TMEM163: variants seen among roughly 807,000 people sequenced by gnomAD.
TMEM163 encodes the protein transmembrane protein 163.
A neutral mutation model predicts 29.3 loss-of-function variants in TMEM163; 17 were observed. That is an observed-to-expected ratio of 0.58 (90% CI 0.40 to 0.87). TMEM163 has a LOEUF of 0.87. Ranked by LOEUF, TMEM163 falls within the 40% of genes least tolerant of loss-of-function variation. The probability of loss-of-function intolerance (pLI) is 0.00; values close to 1 mark genes in which losing one functional copy is unlikely to be tolerated. For synonymous variants in TMEM163, 157 were observed against 160.6 expected, an observed-to-expected ratio of 0.98 and a Z score of 0.17; for missense variants, 303 against 381.5, an observed-to-expected ratio of 0.79 and a Z score of 1.71.
chr2:134,500,470 T>C (rs1192674832), intron 5 of TMEM163, among the ~76,000 whole-genome samples: 1 of 152,212 alleles, frequency 6.6e-6, no homozygotes, highest in African/African-American at 2.4e-5. Flanking sequence ...AGCTCCTTAG[T>C]TAACAACTCT....
At chr2:134,674,493 G>C (rs1448305267) in intron 2 of TMEM163, among the ~76,000 whole-genome samples, 3 of 83,600 alleles carry the variant, frequency 3.6e-5, no homozygotes, top group African/African-American at 2.0e-4. Context: ...ACAGGCGCGC[G>C]CGCGCGCGCG....
intron 2 of TMEM163, among the ~76,000 whole-genome samples, chr2:134,580,933 C>T (rs1355135251): frequency 6.6e-6 from 1 of 152,164 alleles, no homozygotes; most frequent in Non-Finnish European, 1.5e-5. Flanking sequence ...AGCCCTAGGA[C>T]AGGAGCAAGA....
At chr2:134,539,576 T>A (rs368524515) in intron 4 of TMEM163, among the ~76,000 whole-genome samples, 51 of 152,296 alleles carry the variant, frequency 3.3e-4, no homozygotes, top group Non-Finnish European at 6.9e-4. Flanking sequence ...AAAAACTGTA[T>A]ATGTATCTTA....
intron 2 of TMEM163, among the ~76,000 whole-genome samples, chr2:134,658,453 T>G (rs55925095): frequency 6.6e-6 from 1 of 151,994 alleles, no homozygotes; most frequent in Admixed American, 6.5e-5. Flanking sequence ...CATGAGTTTT[T>G]GGAGGACAGA....
chr2:134,577,951 T>G (rs1420973386), intron 2 of TMEM163, among the ~76,000 whole-genome samples: 1 of 152,208 alleles, frequency 6.6e-6, no homozygotes, highest in Non-Finnish European at 1.5e-5. Context: ...GTAGGTTACA[T>G]GCAAAATACT....
intron 5 of TMEM163, among the ~76,000 whole-genome samples, chr2:134,490,045 A>G (rs1574171964): frequency 2.0e-5 from 3 of 152,204 alleles, no homozygotes; most frequent in African/African-American, 7.2e-5. Flanking sequence ...GCCAGGTCCT[A>G]TATTAGGTGC....
chr2:134,462,257 A>G (rs1029713030), intron 6 of TMEM163, among the ~76,000 whole-genome samples: 1 of 151,514 alleles, frequency 6.6e-6, no homozygotes, highest in African/African-American at 2.4e-5. Flanking sequence ...CCTTCACCCT[A>G]TCCGAGCTGC....
At chr2:134,493,776 T>C (rs903649578) in intron 5 of TMEM163, among the ~76,000 whole-genome samples, 5 of 152,228 alleles carry the variant, frequency 3.3e-5, no homozygotes, top group African/African-American at 1.2e-4. Flanking sequence ...ACATTGAGGC[T>C]TATGATCCAT....
chr2:134,564,920 T>C (rs902116016), intron 2 of TMEM163, among the ~76,000 whole-genome samples: 1 of 152,176 alleles, frequency 6.6e-6, no homozygotes, highest in African/African-American at 2.4e-5. Context: ...CAAATACTTT[T>C]AAAAACTGGC....
intron 2 of TMEM163, among the ~76,000 whole-genome samples, chr2:134,676,671 G>A (rs1018261385): frequency 3.3e-5 from 5 of 152,056 alleles, no homozygotes; most frequent in South Asian, 2.1e-4. Flanking sequence ...GACCTCTCAC[G>A]GTCCCTCAAC....
At chr2:134,657,591 T>A (rs13388936) in intron 2 of TMEM163, among the ~76,000 whole-genome samples, 10 of 151,840 alleles carry the variant, frequency 6.6e-5, no homozygotes, top group African/African-American at 2.4e-4. Flanking sequence ...TCACCTGAGG[T>A]CAGGAATTCA....
intron 2 of TMEM163, among the ~76,000 whole-genome samples, chr2:134,633,962 A>AAATACAT (rs1683034831): frequency 1.0e-5 from 1 of 97,908 alleles, no homozygotes; most frequent in African/African-American, 3.9e-5. Context: ...TCAAAAAAAA[A>AAATACAT]ATACATATAT....
intron 2 of TMEM163, among the ~76,000 whole-genome samples, chr2:134,692,011 G>C (rs1684479504): frequency 6.6e-6 from 1 of 152,108 alleles, no homozygotes; most frequent in African/African-American, 2.4e-5. Flanking sequence ...GAGTTATCCA[G>C]GTGGGCCTTA....
chr2:134,472,365 C>A (rs1686824935), intron 5 of TMEM163, among the ~76,000 whole-genome samples: 1 of 152,126 alleles, frequency 6.6e-6, no homozygotes, highest in Non-Finnish European at 1.5e-5. Context: ...TTAAAAATAA[C>A]ATAAATTTTA....
chr2:134,635,109 A>C (rs1297976184), intron 2 of TMEM163, among the ~76,000 whole-genome samples: 1 of 152,258 alleles, frequency 6.6e-6, no homozygotes, highest in Non-Finnish European at 1.5e-5. Flanking sequence ...AAAAGGTCTC[A>C]TGGAAAATAA....
intron 2 of TMEM163, among the ~76,000 whole-genome samples, chr2:134,682,345 G>A (rs879481189): frequency 1.3e-4 from 20 of 152,258 alleles, no homozygotes; most frequent in Non-Finnish European, 2.1e-4. Context: ...TTTGGGGAGA[G>A]GCCAAGAACA....
chr2:134,551,520 A>G (rs1312362615), intron 3 of TMEM163, among the ~76,000 whole-genome samples: 1 of 152,156 alleles, frequency 6.6e-6, no homozygotes, highest in Non-Finnish European at 1.5e-5. Flanking sequence ...GAAAATCACA[A>G]GCACTAGCAT....
intron 5 of TMEM163, among the ~76,000 whole-genome samples, chr2:134,497,347 T>C (rs924231260): frequency 3.9e-5 from 6 of 152,232 alleles, no homozygotes; most frequent in East Asian, 1.9e-4. Context: ...TATTAGCATA[T>C]GTTCATGTAT....
intron 4 of TMEM163, among the ~76,000 whole-genome samples, chr2:134,509,385 T>C (rs1679898571): frequency 6.6e-6 from 1 of 152,214 alleles, no homozygotes; most frequent in Non-Finnish European, 1.5e-5. Flanking sequence ...TCAATTTATG[T>C]GGACTAACAG....
Sources: gnomAD v4.1 joint callset for allele counts (sites outside exome capture counted in the v4.1 genomes callset) on GRCh38, gnomAD v4.1.1 for gene constraint, MANE v1.5 for transcripts, NCBI Gene and HGNC (gene_info 2026-07-23, HGNC 2026-07-21) for gene names.